MTMR9: variants seen among roughly 807,000 people sequenced by gnomAD.
The protein encoded by MTMR9 is myotubularin related protein 9.
MTMR9 carries 39 observed loss-of-function variants against 69.5 expected under a neutral mutation model. The ratio of observed to expected loss-of-function variants is 0.56; its 90% CI spans 0.43 to 0.73. The LOEUF is 0.73. Among genes scored for constraint, MTMR9 ranks in the 30% least tolerant of loss-of-function variants. MTMR9 has a pLI of 0.00. For synonymous variants in MTMR9, 354 were observed against 240.8 expected, an observed-to-expected ratio of 1.47 and a Z score of -4.35; for missense variants, 900 against 671.2, an observed-to-expected ratio of 1.34 and a Z score of -3.77.
intron 2 of MTMR9, among the ~76,000 whole-genome samples, 200 bp downstream of exon 2, chr8:11,295,502 C>G (rs201291349): frequency 1.5e-5 from 1 of 64,550 alleles, no homozygotes; most frequent in South Asian, 7.6e-4. Flanking sequence ...TGGTGTTACT[C>G]ACGTTATATG....
Position 11,319,762 on chromosome 8 carries a change from C to T in MTMR9, c.1410C>T (p.Phe470=), listed in dbSNP as rs747720951. 1 of 1,614,168 alleles carries T rather than the reference C, an allele frequency of 6.2e-7. No individual in the cohort carries two copies. The highest frequency in any genetic ancestry group is 2.2e-5 in the East Asian group (1 of 44,890). Residue 470 remains phenylalanine, a synonymous_variant, in exon 9 of 10, where the codon TTC becomes TTT. Coordinates refer to ENST00000221086, the MANE Select transcript of MTMR9 (RefSeq NM_015458.4). Reference sequence around the variant, plus strand: ...ATCAGCCCAGTGAGCTGAGTAAATTCACCAATCCCCTCTTTGAAGCCAACA... The same window carrying T: ...ATCAGCCCAGTGAGCTGAGTAAATTTACCAATCCCCTCTTTGAAGCCAACA... ...WVNQPSELSK[F]TNPLFEANNL...
the MTMR9 span, among the ~76,000 whole-genome samples, chr8:11,334,050 G>T: frequency 6.6e-6 from 1 of 152,154 alleles, no homozygotes; most frequent in Non-Finnish European, 1.5e-5. Flanking sequence ...ACACTGTCTT[G>T]TCCTTCCACC....
intron 6 of MTMR9, among the ~76,000 whole-genome samples, chr8:11,311,143 A>C (rs913906895): frequency 1.3e-5 from 2 of 152,224 alleles, no homozygotes; most frequent in African/African-American, 4.8e-5. Context: ...TATACACAGA[A>C]GCCTTAAAGT....
Position 11,300,103 on chromosome 8 carries a change from G to A in MTMR9, c.372G>A (p.Trp124Ter). Residue 124 changes from tryptophan (W) to a stop codon, truncating the protein, a stop_gained, in exon 3 of 10, where the codon TGG becomes TGA. Transcript: ENST00000221086. LOFTEE classifies it high-confidence loss of function. ...TGTTTGAAGTGATAGAAGATGGCTG[G>A]CATTCCTTCCTTCCTGAGCAAGAAT... ...RPMFEVIEDGWHSFLPEQEFE... is the reference protein window; with the variant it reads ...RPMFEVIEDG The A allele has an allele frequency of 6.2e-7, 1 of 1,613,524 alleles. No homozygotes were observed. The highest frequency in any genetic ancestry group is 2.2e-5 in the East Asian group (1 of 44,834).
intron 5 of MTMR9, among the ~76,000 whole-genome samples, chr8:11,308,710 G>A (rs1031266620): frequency 1.2e-4 from 19 of 152,092 alleles, no homozygotes; most frequent in African/African-American, 4.6e-4. Context: ...CTTTATTTCT[G>A]ATTGTATGCA....
At chr8:11,315,299 C>A (rs543167301) in intron 7 of MTMR9, among the ~76,000 whole-genome samples, 5 of 152,278 alleles carry the variant, frequency 3.3e-5, no homozygotes, top group Admixed American at 6.5e-5. Flanking sequence ...TGCTTTATCA[C>A]ATACAGGAGA....
rs1053477596 is a variant in MTMR9 at position 11,306,086 on chromosome 8, C to T, written c.592-104C>T. 1.4e-5 allele frequency: 13 copies of T among 906,996 alleles called. No individual in the cohort carries two copies. In the African/African-American group the frequency reaches 2.2e-4, roughly 15 times the overall value. The allele number at this position is 906,996 out of a possible 1,614,324, so 56.2% of individuals were successfully genotyped here. A position where few individuals can be genotyped will look rare whatever the true frequency, so the allele number is the denominator to read the frequency against. On this transcript the variant is annotated intron_variant, in intron 4 of 9. Transcript: ENST00000221086. ...TGGATCAAATCCATCTGCAGAGTGTCACACAATTGTTTTTGAGATACTCTT... is the reference window on the plus strand; with the variant it reads ...TGGATCAAATCCATCTGCAGAGTGTTACACAATTGTTTTTGAGATACTCTT...
At chr8:11,299,569 C>T (rs918155200) in intron 2 of MTMR9, among the ~76,000 whole-genome samples, 3 of 152,124 alleles carry the variant, frequency 2.0e-5, no homozygotes, top group Non-Finnish European at 4.4e-5. Context: ...TAGGCTGTAT[C>T]ATCCTTTTTT....
chr8:11,318,604 C>A (rs1800525968), intron 8 of MTMR9: 1 of 152,148 alleles, frequency 6.6e-6, no homozygotes, highest in African/African-American at 2.4e-5. Flanking sequence ...GACTGTCTTT[C>A]AATCTGTGTT....
the MTMR9 span, among the ~76,000 whole-genome samples, chr8:11,338,707 T>C: frequency 1.2e-4 from 18 of 152,202 alleles, no homozygotes; most frequent in Non-Finnish European, 2.6e-4. Context: ...TGACGTCAGC[T>C]GGCACGATGA....
At chr8:11,331,513 G>T (rs569637796), downstream of MTMR9, 6 of 1,613,802 alleles carry the variant, frequency 3.7e-6, no homozygotes, top group Non-Finnish European at 5.1e-6. Flanking sequence ...GTTCGCAAAG[G>T]TTCTTCCACC....
chr8:11,287,608 T>C (rs1799208397), intron 1 of MTMR9, among the ~76,000 whole-genome samples: 1 of 149,682 alleles, frequency 6.7e-6, no homozygotes, highest in Admixed American at 6.8e-5. Context: ...GACAAGATGC[T>C]TAGGTACTGG....
intron 7 of MTMR9, 65 bp downstream of exon 7, chr8:11,315,129 T>G: frequency 1.3e-6 from 2 of 1,561,112 alleles, no homozygotes; most frequent in Non-Finnish European, 1.8e-6. Context: ...CTTTGTGTGG[T>G]AGCTGACATA....
At position 11,304,999 on chromosome 8, in the gene MTMR9, C is replaced by CA. The variant is rs767880823; in HGVS notation, c.584dup (p.Asn195LysfsTer41). On this transcript the variant is annotated frameshift_variant, in exon 4 of 10. Coordinates refer to ENST00000221086, the MANE Select transcript of MTMR9 (RefSeq NM_015458.4). LOFTEE classifies it high-confidence loss of function. ...GCTTCCCAGTACTAAGCTATTACCA[C>CA]AAAAAAAATGGGATGGTAAGTGCAC... The CA allele has an allele frequency of 2.5e-6, 4 of 1,602,234 alleles. No individual in the cohort carries two copies. Among genetic ancestry groups the CA allele is most frequent in the South Asian group, 2.2e-5 (2 of 89,856 alleles).
chr8:11,316,432 T>A (rs555502829), intron 7 of MTMR9: 7 of 352,430 alleles, frequency 2.0e-5, no homozygotes, highest in African/African-American at 1.5e-4. Flanking sequence ...GCAGTGCAGT[T>A]CCTGTGGTCA....
At chr8:11,338,300 C>T in the MTMR9 span, among the ~76,000 whole-genome samples, 1 of 152,206 alleles carries the variant, frequency 6.6e-6, no homozygotes, top group South Asian at 2.1e-4. Flanking sequence ...CTGTTGTTCT[C>T]CGGAGTGTCC....
chr8:11,339,268 C>G, the MTMR9 span, among the ~76,000 whole-genome samples: 3 of 152,234 alleles, frequency 2.0e-5, no homozygotes, highest in African/African-American at 7.2e-5. Flanking sequence ...CTAGAACAGA[C>G]CTACAAAGCC....
At chr8:11,328,879 A>G (rs1801066753), downstream of MTMR9, among the ~76,000 whole-genome samples, 1 of 152,226 alleles carries the variant, frequency 6.6e-6, no homozygotes, top group African/African-American at 2.4e-5. Flanking sequence ...CCACTGTTGG[A>G]GGGAAAAAGC....
At chr8:11,329,539 C>G (rs1027195969), downstream of MTMR9, among the ~76,000 whole-genome samples, 5 of 152,274 alleles carry the variant, frequency 3.3e-5, no homozygotes, top group African/African-American at 1.2e-4. Flanking sequence ...TGGTATCCAG[C>G]TCCTAACCGC....
Sources: allele counts gnomAD v4.1 joint callset (sites outside exome capture counted in the v4.1 genomes callset), GRCh38; gene constraint gnomAD v4.1.1; transcripts MANE v1.5; gene names NCBI Gene and HGNC (gene_info 2026-07-23, HGNC 2026-07-21).